IL17RB: variants seen among roughly 807,000 people sequenced by gnomAD.
The protein encoded by IL17RB is interleukin 17 receptor B, also known as interleukin-17 receptor B.
In IL17RB, 36 loss-of-function variants were observed where a neutral mutation model predicts 43.9. That is an observed-to-expected ratio of 0.82 (90% CI 0.63 to 1.08). The LOEUF (loss-of-function observed/expected upper bound fraction) is 1.08, where lower values mean the gene tolerates loss of function less well. Ranked by LOEUF, IL17RB falls within the 50% of genes least tolerant of loss-of-function variation. The pLI, the probability that IL17RB is intolerant of heterozygous loss-of-function variation, is 0.00. For missense variants in IL17RB, 613 were observed against 613.6 expected (o/e 1.00, Z 0.01); for synonymous variants, 225 against 225.4 (o/e 1.00, Z 0.02).
At position 53,857,618 on chromosome 3, in the gene IL17RB, A is replaced by T. The variant is rs781605026; in HGVS notation, c.675A>T (p.Pro225=). 5.6e-6 allele frequency: 9 copies of T among 1,614,064 alleles called. No individual in the cohort carries two copies. The South Asian group carries it at 9.9e-5, about 18-fold the overall frequency. The change falls in exon 8 of 11, where the codon CCA becomes CCT. Residue 225 remains proline (P), a splice_region_variant and synonymous_variant. Coordinates refer to ENST00000288167, the MANE Select transcript of IL17RB (RefSeq NM_018725.4). ...TTCTTGACTCTCTCTCTCTTAAGCC[A>T]CACCAGAAGAAACAAACGCGAGCTT... ...TIIGFSQVFE[P]HQKKQTRASV...
chr3:53,859,047 G>A (rs1338118455), intron 9 of IL17RB: 6 of 443,882 alleles, frequency 1.4e-5, no homozygotes, highest in African/African-American at 4.0e-5. Flanking sequence ...TACAAAGCAG[G>A]ATACACAGAA....
intron 8 of IL17RB, 95 bp downstream of exon 8, chr3:53,857,785 C>A: frequency 9.0e-7 from 1 of 1,113,262 alleles, no homozygotes; most frequent in Admixed American, 1.9e-5. Flanking sequence ...TTGTCAAATG[C>A]ACTTCTGCCA....
chr3:53,863,488 T>C (rs1278689844), intron 10 of IL17RB, among the ~76,000 whole-genome samples: 1 of 152,168 alleles, frequency 6.6e-6, no homozygotes, highest in Non-Finnish European at 1.5e-5. Context: ...TGAGATTAAC[T>C]CCATGTTCTA....
intron 6 of IL17RB, among the ~76,000 whole-genome samples, chr3:53,856,508 C>T (rs1463866388): frequency 6.6e-6 from 1 of 152,166 alleles, no homozygotes; most frequent in Non-Finnish European, 1.5e-5. Context: ...CTCTTTCTCC[C>T]CATCCTGGGA....
intron 1 of IL17RB, among the ~76,000 whole-genome samples, chr3:53,847,338 C>T (rs1236664777): frequency 6.6e-6 from 1 of 152,172 alleles, no homozygotes; most frequent in Non-Finnish European, 1.5e-5. Context: ...GCCCTCTTGG[C>T]TCTTTGCACT....
chr3:53,851,267 AC>A (rs1351599149), intron 3 of IL17RB, among the ~76,000 whole-genome samples: 1 of 152,182 alleles, frequency 6.6e-6, no homozygotes, highest in East Asian at 1.9e-4. Context: ...GGAGTCACCT[AC>A]AGTCTCCACC....
intron 8 of IL17RB, chr3:53,858,042 C>G: frequency 3.6e-6 from 1 of 274,198 alleles, no homozygotes; most frequent in South Asian, 4.3e-5. Context: ...GTTTGAGTTC[C>G]AGGCAGCGTA....
intron 3 of IL17RB, among the ~76,000 whole-genome samples, chr3:53,850,351 G>A (rs552289348): frequency 6.6e-6 from 1 of 150,762 alleles, no homozygotes; most frequent in Admixed American, 6.6e-5. Context: ...ACAAAAATTA[G>A]CCAGATGTGG....
chr3:53,857,102 A>AAAAACAAGTCCC, intron 7 of IL17RB, 116 bp downstream of exon 7: 1 of 1,080,386 alleles, frequency 9.3e-7, no homozygotes, highest in Non-Finnish European at 1.4e-6. Context: ...TTCAACAGAT[A>AAAAACAAGTCCC]AAAACAAGTC....
At chr3:53,857,801 C>T (rs1479542951) in intron 8 of IL17RB, 111 bp downstream of exon 8, 117 of 1,003,846 alleles carry the variant, frequency 1.2e-4, no homozygotes, top group African/African-American at 1.6e-5. Context: ...TGCCAGCAGA[C>T]ACCAGTTAAG....
At chr3:53,847,767 C>T (rs1331044635) in intron 1 of IL17RB, among the ~76,000 whole-genome samples, 1 of 151,880 alleles carries the variant, frequency 6.6e-6, no homozygotes, top group East Asian at 1.9e-4. Context: ...TGTACTCCAG[C>T]CTGGGTGACA....
intron 9 of IL17RB, chr3:53,859,657 A>G (rs1699486664): frequency 1.3e-5 from 2 of 153,252 alleles, no homozygotes; most frequent in Admixed American, 1.3e-4. Context: ...AACTGGACAG[A>G]AACCCTAGTT....
intron 10 of IL17RB, 32 bp from the exon 11 acceptor site, chr3:53,864,714 C>G (rs1277508026): frequency 2.0e-6 from 3 of 1,492,530 alleles, no homozygotes; most frequent in Non-Finnish European, 2.7e-6. Flanking sequence ...GTTTGCTGTT[C>G]ACAGATAACA....
rs1266972741 is a variant in IL17RB, at chr3:53,856,876, A to C, written c.562A>C (p.Lys188Gln). ...GTGGGATCCGAACATCACTGCTTGT[A>C]AGAAGAATGAGGAGACAGTAGAAGT... ...SLWDPNITACKKNEETVEVNF... is the reference protein window; with the variant it reads ...SLWDPNITACQKNEETVEVNF... Residue 188 changes from lysine to glutamine, a missense_variant, in exon 7 of 11, where the codon AAG (lysine) becomes CAG (glutamine). Transcript: ENST00000288167. 2 of 1,614,134 alleles carry C rather than the reference A, an allele frequency of 1.2e-6. No individual in the cohort carries two copies. Among genetic ancestry groups the C allele is most frequent in the Admixed American group, 3.3e-5 (2 of 60,022 alleles).
rs1167369645 is a variant in IL17RB, at chr3:53,865,187, G to C, written c.1388G>C (p.Cys463Ser). 1.9e-6 allele frequency: 3 copies of C among 1,614,052 alleles called. No homozygotes were observed. The highest frequency in any genetic ancestry group is 2.5e-6 in the Non-Finnish European group (3 of 1,180,008). ...GACGATTACAATGCTCTCAGTGTCTGCCCCAAGTACCACCTCATGAAGGAT... is the reference window on the plus strand; with the variant it reads ...GACGATTACAATGCTCTCAGTGTCTCCCCCAAGTACCACCTCATGAAGGAT... ...TKDDYNALSV[C>S]PKYHLMKDAT... The change falls in exon 11 of 11, where the codon TGC (cysteine) becomes TCC (serine). Residue 463 changes from cysteine (C) to serine (S), a missense_variant. Coordinates refer to ENST00000288167, the MANE Select transcript of IL17RB (RefSeq NM_018725.4).
chr3:53,855,253 A>C, intron 5 of IL17RB, 41 bp from the exon 6 acceptor site: 1 of 1,416,414 alleles, frequency 7.1e-7, no homozygotes, highest in Non-Finnish European at 1.0e-6. Flanking sequence ...GGGCAGAGAT[A>C]CCTTTTTCTA....
intron 5 of IL17RB, among the ~76,000 whole-genome samples, chr3:53,855,022 CAGG>C (rs1699281266): frequency 6.8e-6 from 1 of 146,650 alleles, no homozygotes; most frequent in Non-Finnish European, 1.5e-5. Flanking sequence ...GAGCCTGAGG[CAGG>C]AGAATGGCGT....
intron 4 of IL17RB, among the ~76,000 whole-genome samples, chr3:53,852,580 C>T (rs560534967): frequency 6.6e-5 from 10 of 152,296 alleles, no homozygotes; most frequent in East Asian, 1.9e-4. Context: ...ATCCCATTTT[C>T]GGCTACTTCT....
chr3:53,854,282 C>T (rs565289137), intron 5 of IL17RB, among the ~76,000 whole-genome samples: 1 of 152,312 alleles, frequency 6.6e-6, no homozygotes, highest in East Asian at 1.9e-4. Context: ...CTCCTATTAA[C>T]GTCTTGTATT....
Sources: allele counts gnomAD v4.1 joint callset (sites outside exome capture counted in the v4.1 genomes callset), GRCh38; gene constraint gnomAD v4.1.1; transcripts MANE v1.5; gene names NCBI Gene and HGNC (gene_info 2026-07-23, HGNC 2026-07-21).